Variants in VPS41 observed in about 807,000 individuals in gnomAD.
VPS41 encodes the protein VPS41 subunit of HOPS complex.
A neutral mutation model predicts 130.9 loss-of-function variants in VPS41; 85 were observed. That is an observed-to-expected ratio of 0.65 (90% confidence interval 0.55 to 0.78). VPS41 has a LOEUF of 0.78. VPS41 is among the 30% of genes least tolerant of loss of function. The pLI is 0.00. For missense variants in VPS41, 874 were observed against 1,018.7 expected (o/e 0.86, Z 1.93); for synonymous variants, 335 against 332.9 (o/e 1.01, Z -0.07).
At chr7:38,764,128 A>G (rs1447586316) in intron 16 of VPS41, among the ~76,000 whole-genome samples, 1 of 152,224 alleles carries the variant, frequency 6.6e-6, no homozygotes, top group African/African-American at 2.4e-5. Context: ...CACAAGTCCT[A>G]GAAGAAAGAT....
At chr7:38,833,192 A>G (rs998314100) in intron 4 of VPS41, among the ~76,000 whole-genome samples, 3 of 152,144 alleles carry the variant, frequency 2.0e-5, no homozygotes. Context: ...TACAGCTGCT[A>G]TTCTGGTCCA....
intron 10 of VPS41, 24 bp from the exon 11 acceptor site, chr7:38,776,800 GTCA>G (rs1378091363): frequency 2.1e-6 from 3 of 1,402,430 alleles, no homozygotes; most frequent in African/African-American, 2.8e-5. Context: ...GGATACAGGA[GTCA>G]TCATCAACAG....
At chr7:38,794,499 A>AT (rs1162293912) in intron 9 of VPS41, among the ~76,000 whole-genome samples, 4 of 152,242 alleles carry the variant, frequency 2.6e-5, no homozygotes, top group Non-Finnish European at 5.9e-5. Flanking sequence ...CTAGAACTTT[A>AT]TATAATAATG....
chr7:38,869,049 G>T (rs987842551), intron 3 of VPS41, 97 bp downstream of exon 3: 1 of 913,716 alleles, frequency 1.1e-6, no homozygotes, highest in Non-Finnish European at 1.7e-6. Flanking sequence ...CAGAATCACT[G>T]TAAAAAGCCA....
intron 2 of VPS41, among the ~76,000 whole-genome samples, chr7:38,895,776 C>G (rs1786972731): frequency 6.6e-6 from 1 of 152,200 alleles, no homozygotes; most frequent in African/African-American, 2.4e-5. Context: ...CACCATCCAA[C>G]TCTTGTCACC....
chr7:38,892,279 A>C (rs1226127270), intron 2 of VPS41, among the ~76,000 whole-genome samples: 1 of 152,196 alleles, frequency 6.6e-6, no homozygotes, highest in Admixed American at 6.5e-5. Flanking sequence ...CCTCGGAGTC[A>C]AACTACGGGA....
chr7:38,764,728 T>G (rs1329110313), intron 16 of VPS41, among the ~76,000 whole-genome samples: 1 of 152,102 alleles, frequency 6.6e-6, no homozygotes, highest in Non-Finnish European at 1.5e-5. Flanking sequence ...AATGGGTATA[T>G]TGTGTATCAC....
chr7:38,772,450 C>A, intron 13 of VPS41, 72 bp downstream of exon 13: 2 of 1,074,378 alleles, frequency 1.9e-6, no homozygotes, highest in Non-Finnish European at 2.7e-6. Context: ...AGATTTATTA[C>A]AAAAACATTT....
chr7:38,799,735 C>A lies in VPS41; in HGVS notation c.451-2871G>T, dbSNP rs189387021. Among the ~76,000 whole-genome samples the A allele has an allele frequency of 2.9e-3, 437 of 152,044 alleles. 1 individual carries two copies. The highest frequency in any genetic ancestry group is 4.6e-3 in the Non-Finnish European group (310 of 67,970). The stretch of plus-strand genomic sequence containing the variant: ...TTCATTTTAAAAAATGAGAGAATAA[C>A]AGGAATTTTTAAAAAATTAAGTAAT... On this transcript the variant is annotated intron_variant, in intron 7 of 28. Transcript: ENST00000310301.
At chr7:38,812,825 A>T (rs1205664732) in intron 7 of VPS41, among the ~76,000 whole-genome samples, 1 of 152,206 alleles carries the variant, frequency 6.6e-6, no homozygotes, top group Non-Finnish European at 1.5e-5. Flanking sequence ...AGTCAAAACC[A>T]CAATGAGATA....
chr7:38,854,883 AAAG>A (rs1270355447), intron 4 of VPS41, among the ~76,000 whole-genome samples: 6 of 151,588 alleles, frequency 4.0e-5, no homozygotes, highest in Admixed American at 6.6e-5. Context: ...GAGGTAACAC[AAAG>A]AAGGAGATGG....
chr7:38,831,662 C>T lies in VPS41; in HGVS notation c.247-1334G>A, dbSNP rs571252179. ...GCCTATCCTAATATTCTGTAAATCA[C>T]ATTATATCATTTGCAAAGACCTGGC... On this transcript the variant is annotated intron_variant, in intron 4 of 28. Transcript: ENST00000310301. Among the ~76,000 whole-genome samples the T allele has an allele frequency of 2.4e-4, 36 of 152,196 alleles. 2 individuals carry two copies. The highest frequency in any genetic ancestry group is 8.8e-5 in the Non-Finnish European group (6 of 68,038).
At chr7:38,900,467 C>T (rs1365906485) in intron 1 of VPS41, among the ~76,000 whole-genome samples, 1 of 151,846 alleles carries the variant, frequency 6.6e-6, no homozygotes, top group Admixed American at 6.6e-5. Flanking sequence ...GACAGTGACA[C>T]TAAAATCCCA....
At chr7:38,837,596 C>A (rs1785522461) in intron 4 of VPS41, among the ~76,000 whole-genome samples, 1 of 152,140 alleles carries the variant, frequency 6.6e-6, no homozygotes, top group Non-Finnish European at 1.5e-5. Flanking sequence ...AGTCTCCTAC[C>A]CATCAAACAT....
intron 28 of VPS41, 37 bp from the exon 29 acceptor site, chr7:38,726,363 G>A (rs776574400): frequency 2.0e-5 from 31 of 1,524,808 alleles, no homozygotes; most frequent in Non-Finnish European, 2.7e-5. Context: ...TTTAAAAAAT[G>A]ATCTTCTTTT....
At chr7:38,856,323 C>T (rs1433901157) in intron 4 of VPS41, among the ~76,000 whole-genome samples, 5 of 151,972 alleles carry the variant, frequency 3.3e-5, no homozygotes, top group South Asian at 2.1e-4. Context: ...AATTTAATTA[C>T]CCCCCAAGTC....
chr7:38,761,584 C>A (rs918898997), intron 17 of VPS41, among the ~76,000 whole-genome samples: 2 of 141,786 alleles, frequency 1.4e-5, no homozygotes, highest in Non-Finnish European at 3.0e-5. Flanking sequence ...TGAGCCACCA[C>A]ACACAGCCTC....
At chr7:38,773,929 A>G (rs1784203322) in intron 12 of VPS41, among the ~76,000 whole-genome samples, 186 bp downstream of exon 12, 1 of 152,204 alleles carries the variant, frequency 6.6e-6, no homozygotes, top group East Asian at 1.9e-4. Context: ...CTTTTACTAT[A>G]GGAGCTTATG....
chr7:38,767,330 T>C (rs1331066788), intron 15 of VPS41, among the ~76,000 whole-genome samples: 1 of 152,178 alleles, frequency 6.6e-6, no homozygotes, highest in East Asian at 1.9e-4. Flanking sequence ...AATGAAATAG[T>C]TGGGAAAATA....
Sources: gnomAD v4.1 joint callset for allele counts (sites outside exome capture counted in the v4.1 genomes callset) on GRCh38, gnomAD v4.1.1 for gene constraint, MANE v1.5 for transcripts, NCBI Gene and HGNC (gene_info 2026-07-23, HGNC 2026-07-21) for gene names.